HCK: variants seen among roughly 807,000 people sequenced by gnomAD.
HCK encodes HCK proto-oncogene, Src family tyrosine kinase, also known as tyrosine-protein kinase HCK.
A neutral mutation model predicts 70.4 loss-of-function variants in HCK; 40 were observed. The observed-to-expected ratio is 0.57, with a 90% CI of 0.44 to 0.74. HCK has a LOEUF of 0.74. Among genes scored for constraint, HCK ranks in the 30% least tolerant of loss-of-function variants. HCK has a pLI of 0.00. For missense variants in HCK, 568 were observed against 697.2 expected (o/e 0.81, Z 2.09); for synonymous variants, 245 against 263.2 (o/e 0.93, Z 0.67).
chr20:32,096,379 C>A (rs2045955105), intron 11 of HCK, among the ~76,000 whole-genome samples: 1 of 151,764 alleles, frequency 6.6e-6, no homozygotes, highest in African/African-American at 2.4e-5. Flanking sequence ...TGCCTGTAGT[C>A]CCAGCTACTC....
chr20:32,100,024 C>T (rs190303223), intron 12 of HCK, among the ~76,000 whole-genome samples: 257 of 151,920 alleles, frequency 1.7e-3, no homozygotes, highest in Non-Finnish European at 2.5e-3. Context: ...TTCAGCCTCC[C>T]GAGTATCTGG....
chr20:32,094,693 AGAAAAGAAAAG>A (rs1186998496), intron 11 of HCK, among the ~76,000 whole-genome samples: 1 of 106,456 alleles, frequency 9.4e-6, no homozygotes, highest in African/African-American at 4.8e-5. Flanking sequence ...TCAAAAGAAA[AGAAAAGAAAAG>A]AAAAGAAAGA....
intron 10 of HCK, among the ~76,000 whole-genome samples, chr20:32,092,020 A>C (rs976613185): frequency 6.6e-6 from 1 of 151,932 alleles, no homozygotes; most frequent in Admixed American, 6.6e-5. Context: ...AAAGCAAAGC[A>C]TGGGTCTCCA....
chr20:32,074,553 C>A, intron 4 of HCK, 70 bp from the exon 5 acceptor site: 1 of 1,164,078 alleles, frequency 8.6e-7, no homozygotes, highest in Non-Finnish European at 1.3e-6. Context: ...TAGGTCAAGG[C>A]TGGGGAGCTT....
intron 1 of HCK, among the ~76,000 whole-genome samples, chr20:32,062,008 C>T (rs546574158): frequency 1.3e-5 from 2 of 148,696 alleles, no homozygotes; most frequent in Non-Finnish European, 3.0e-5. Flanking sequence ...GGTGCGACCT[C>T]GGCTCCCTGC....
At chr20:32,069,941 A>C (rs898857847) in intron 1 of HCK, among the ~76,000 whole-genome samples, 1 of 152,206 alleles carries the variant, frequency 6.6e-6, no homozygotes, top group Non-Finnish European at 1.5e-5. Flanking sequence ...GCACTTCCTT[A>C]TGTGGTTGTC....
At chr20:32,084,123 G>A (rs1164991949) in intron 7 of HCK, 80 bp downstream of exon 7, 3 of 1,461,476 alleles carry the variant, frequency 2.1e-6, no homozygotes, top group South Asian at 1.2e-5. Flanking sequence ...TGGCCCCTGA[G>A]ACCTGCTGTG....
At chr20:32,069,719 G>T in intron 1 of HCK, 2 of 1,184,266 alleles carry the variant, frequency 1.7e-6, no homozygotes, top group South Asian at 1.3e-5. Flanking sequence ...AAGTCTTGAG[G>T]TGGCAAATCT....
intron 1 of HCK, among the ~76,000 whole-genome samples, chr20:32,055,374 G>A (rs139128043): frequency 2.4e-4 from 36 of 152,264 alleles, no homozygotes; most frequent in African/African-American, 8.2e-4. Context: ...TCAAGAAAAT[G>A]GAAGCATGAA....
Position 32,086,921 on chromosome 20 carries a change from G to A in HCK, c.1015+114G>A, listed in dbSNP as rs555568266. The A allele has an allele frequency of 4.3e-6, 4 of 925,896 alleles. No homozygotes were observed. In the South Asian group the frequency reaches 7.1e-5, roughly 16 times the overall value. The allele number at this position is 925,896 out of a possible 1,614,324, so 57.4% of individuals were successfully genotyped here. A position where few individuals can be genotyped will look rare whatever the true frequency, so the allele number is the denominator to read the frequency against. ...TGAGATGGCCCCAATCTGGCCAGGAGCTCTTCCAACAAGTACTCATTGAGA... is the reference window on the plus strand; with the variant it reads ...TGAGATGGCCCCAATCTGGCCAGGAACTCTTCCAACAAGTACTCATTGAGA... On this transcript the variant is annotated intron_variant, in intron 9 of 12. Coordinates refer to ENST00000375852, the MANE Select transcript of HCK (RefSeq NM_002110.5).
intron 7 of HCK, 33 bp from the exon 8 acceptor site, chr20:32,084,358 G>A: frequency 1.3e-6 from 2 of 1,591,660 alleles, no homozygotes; most frequent in Non-Finnish European, 1.7e-6. Context: ...CTCGGTGCTT[G>A]TTGCTCTCAA....
At chr20:32,068,765 C>G (rs2045496537) in intron 1 of HCK, among the ~76,000 whole-genome samples, 1 of 151,796 alleles carries the variant, frequency 6.6e-6, no homozygotes, top group Non-Finnish European at 1.5e-5. Context: ...TCTCTGCCCC[C>G]TGTCTCTACA....
At chr20:32,073,243 C>T in intron 2 of HCK, 76 bp from the exon 3 acceptor site, 1 of 1,257,868 alleles carries the variant, frequency 7.9e-7, no homozygotes, top group Non-Finnish European at 1.2e-6. Flanking sequence ...TCTTGGGTGT[C>T]CTTCTCAACA....
intron 11 of HCK, among the ~76,000 whole-genome samples, chr20:32,096,900 CA>C (rs2045963897): frequency 6.6e-6 from 1 of 151,228 alleles, no homozygotes; most frequent in Admixed American, 6.6e-5. Context: ...ATGGTGATTA[CA>C]AGGGTATATA....
chr20:32,065,943 C>A (rs182262778), intron 1 of HCK, among the ~76,000 whole-genome samples: 1 of 152,298 alleles, frequency 6.6e-6, no homozygotes, highest in African/African-American at 2.4e-5. Context: ...TCACATGAAT[C>A]GCCTGGGAAC....
At chr20:32,077,879 T>C (rs528612118) in intron 5 of HCK, among the ~76,000 whole-genome samples, 244 of 152,270 alleles carry the variant, frequency 1.6e-3, no homozygotes, top group African/African-American at 5.1e-3. Context: ...CTACCGTCCA[T>C]TTAACCTCTG....
At position 32,075,706 on chromosome 20, in the gene HCK, TCATC is replaced by T. The variant is rs56660439; in HGVS notation, c.428+1018_428+1021del. Among the ~76,000 whole-genome samples the T allele has an allele frequency of 2.5e-3, 369 of 150,474 alleles. 3 individuals carry two copies. Among genetic ancestry groups the T allele is most frequent in the East Asian group, 0.02 (100 of 5,058 alleles). On this transcript the variant is annotated intron_variant, in intron 5 of 12. Coordinates refer to ENST00000375852, the MANE Select transcript of HCK (RefSeq NM_002110.5). ...GTCATCCATCCATCCATCCATCCAT[TCATC>T]CATCCATCCATCCATCCATCCATCC...
chr20:32,059,279 T>TCTTCCCTC (rs1555874037), intron 1 of HCK, among the ~76,000 whole-genome samples: 7 of 145,960 alleles, frequency 4.8e-5, no homozygotes, highest in Admixed American at 2.7e-4. Flanking sequence ...AATGTTTTAA[T>TCTTCCCTC]CTTCCTTCCT....
intron 5 of HCK, among the ~76,000 whole-genome samples, chr20:32,076,891 G>C (rs2045635139): frequency 6.6e-6 from 1 of 152,082 alleles, no homozygotes; most frequent in Non-Finnish European, 1.5e-5. Flanking sequence ...TTCAAGACCA[G>C]CCTGGCCTAC....
Sources: allele counts gnomAD v4.1 joint callset (sites outside exome capture counted in the v4.1 genomes callset), GRCh38; gene constraint gnomAD v4.1.1; transcripts MANE v1.5; gene names NCBI Gene and HGNC (gene_info 2026-07-23, HGNC 2026-07-21).